Variants in ABCC10 observed in about 807,000 individuals in gnomAD.
ABCC10 encodes the protein ATP binding cassette subfamily C member 10.
ABCC10 carries 110 observed loss-of-function variants against 143.2 expected under a neutral mutation model. That is an observed-to-expected ratio of 0.77 (90% CI 0.66 to 0.90). The LOEUF is 0.90. Ranked by LOEUF, ABCC10 falls within the 40% of genes least tolerant of loss-of-function variation. ABCC10 has a pLI of 0.00. For missense variants in ABCC10, 1,700 were observed against 1,900.5 expected, an observed-to-expected ratio of 0.89 and a Z score of 1.96; for synonymous variants, 805 against 846.7, an observed-to-expected ratio of 0.95 and a Z score of 0.85.
In ABCC10 at chr6:43,449,916, T is replaced by TCACAGGC. The variant is rs1562208717; in HGVS notation, c.4317-13_4317-12insCACAGGC. 1.9e-6 allele frequency: 3 copies of TCACAGGC among 1,613,802 alleles called. No homozygotes were observed. The African/African-American group carries it at 4.0e-5, about 22-fold the overall frequency. On this transcript the variant is annotated splice_polypyrimidine_tract_variant and intron_variant, in intron 21 of 21. Transcript: ENST00000372530. ...TCCCTCATCCCCTACACTGACCATC[T>TCACAGGC]TCCCCCTCACAGGCTCAACACGATC...
Position 43,444,331 on chromosome 6 carries a change from CTT to C in ABCC10, c.2668_2669del (p.Phe890LeufsTer13). 1 of 1,607,974 alleles carries C rather than the reference CTT, an allele frequency of 6.2e-7. No homozygotes were observed. Among genetic ancestry groups the C allele is most frequent in the Non-Finnish European group, 8.5e-7 (1 of 1,177,476 alleles). On this transcript the variant is annotated frameshift_variant, in exon 12 of 22. Transcript: ENST00000372530. LOFTEE classifies it high-confidence loss of function. ...VGQGLALAIL[F>X]SLLLMQATRN... is the part of the protein sequence containing the mutation. ...GCCAGGGCTTGGCCTTAGCCATCCT[CTT>C]CTCTCTGCTTCTCATGCAAGGTGAG...
chr6:43,451,412 G>A, downstream of ABCC10: 4 of 1,161,568 alleles, frequency 3.4e-6, no homozygotes, highest in Non-Finnish European at 4.7e-6. This position sits in a 1 kb window ranked among gnomAD's most constrained non-coding sequence, Gnocchi z 4.4. Context: ...TTTTAAAAAT[G>A]AGAATAAAAA....
rs754864392 is a variant in ABCC10, at chr6:43,443,084, T to C, written c.2341T>C (p.Cys781Arg). 6.2e-6 allele frequency: 10 copies of C among 1,612,312 alleles called. No individual in the cohort carries two copies. In the African/African-American group the frequency reaches 1.3e-4, roughly 22 times the overall value. The stretch of plus-strand genomic sequence containing the variant: ...GCTGAGCTACACCACACGGCTGCTC[T>C]GCACCCACCGCACTGAGTACCTGGA... ...GMLSYTTRLL[C>R]THRTEYLERA... The change falls in exon 10 of 22, where the codon TGC (cysteine) becomes CGC (arginine). Residue 781 changes from cysteine (C) to arginine (R), a missense_variant. Coordinates refer to ENST00000372530, the MANE Select transcript of ABCC10 (RefSeq NM_001198934.2). The surrounding 1 kb of genome is among the most constrained non-coding windows in gnomAD (Gnocchi z 4.2).
At chr6:43,451,630 G>A (rs114159670), downstream of ABCC10, among the ~76,000 whole-genome samples, 5 of 152,080 alleles carry the variant, frequency 3.3e-5, no homozygotes, top group Admixed American at 6.5e-5. The surrounding 1 kb of genome is among the most constrained non-coding windows in gnomAD (Gnocchi z 4.4). Context: ...GCAAGCCAGC[G>A]TTCAGGAGAG....
rs541121303 is a variant in ABCC10 at position 43,450,071 on chromosome 6, G to A, written c.4459G>A (p.Ala1487Thr). Residue 1487 changes from alanine to threonine, a missense_variant, in exon 22 of 22, where the codon GCC becomes ACC. Transcript: ENST00000372530. This position sits in a 1 kb window ranked among gnomAD's most constrained non-coding sequence, Gnocchi z 4.5. ...LLQSSQQGVP[A>T]SLGGP ...GCAGAGCAGCCAGCAGGGAGTCCCT[G>A]CCTCACTCGGAGGTCCCTGAGCCCA... The A allele has an allele frequency of 3.7e-6, 6 of 1,605,330 alleles. No homozygotes were observed. In the South Asian group the frequency reaches 6.7e-5, roughly 18 times the overall value.
chr6:43,434,518 T>G (rs1781476681), intron 3 of ABCC10, 103 bp from the exon 4 acceptor site: 1 of 1,051,822 alleles, frequency 9.5e-7, no homozygotes, highest in Non-Finnish European at 1.4e-6. Context: ...ATCTGGGAGC[T>G]TAGAGTACTG....
chr6:43,450,972 C>T (rs35789285), downstream of ABCC10: 1,788 of 1,614,240 alleles, frequency 1.1e-3, 15 homozygotes, highest in African/African-American at 0.02. This position sits in a 1 kb window ranked among gnomAD's most constrained non-coding sequence, Gnocchi z 4.5. Context: ...ACCATAGCCA[C>T]TGGGGCAGAG....
intron 13 of ABCC10, 71 bp downstream of exon 13, chr6:43,445,009 G>A: frequency 1.3e-6 from 2 of 1,580,992 alleles, no homozygotes; most frequent in South Asian, 1.2e-5. Flanking sequence ...GAGGGTTGTG[G>A]CCGGTATTCC....
At chr6:43,448,070 G>A (rs181374784) in intron 18 of ABCC10, 133 bp downstream of exon 18, 1 of 1,405,970 alleles carries the variant, frequency 7.1e-7, no homozygotes, top group Non-Finnish European at 9.8e-7. Flanking sequence ...TGGAGGACAG[G>A]ATGAGCAGGC....
chr6:43,429,410 G>GTGTGTGT (rs555695734), intron 2 of ABCC10, among the ~76,000 whole-genome samples: 59 of 33,368 alleles, frequency 1.8e-3, no homozygotes, highest in East Asian at 4.2e-3. Context: ...GTGTGTGTGT[G>GTGTGTGT]GCGGGGGGGA....
intron 2 of ABCC10, among the ~76,000 whole-genome samples, chr6:43,429,410 G>GTGTGTGTGTGTGTGTGT (rs555695734): frequency 6.0e-5 from 2 of 33,394 alleles, no homozygotes; most frequent in African/African-American, 1.1e-4. Context: ...GTGTGTGTGT[G>GTGTGTGTGTGTGTGTGT]GCGGGGGGGA....
chr6:43,439,191 G>GC (rs1450693035), intron 8 of ABCC10, among the ~76,000 whole-genome samples: 2 of 151,942 alleles, frequency 1.3e-5, no homozygotes, highest in Admixed American at 1.3e-4. Context: ...ATTTCCCCTT[G>GC]CCCCCAGTCC....
chr6:43,431,873 C>T (rs1781174735), intron 2 of ABCC10: 1 of 1,286,720 alleles, frequency 7.8e-7, no homozygotes, highest in Non-Finnish European at 9.8e-7. Flanking sequence ...TAAAAAAAAA[C>T]ATGAATCAGA....
chr6:43,434,617 C>G lies in ABCC10; in HGVS notation c.1381-4C>G. 1.2e-6 allele frequency: 2 copies of G among 1,611,954 alleles called. No homozygotes were observed. The highest frequency in any genetic ancestry group is 2.2e-5 in the East Asian group (1 of 44,830). On this transcript the variant is annotated splice_polypyrimidine_tract_variant and splice_region_variant and intron_variant, in intron 3 of 21. Coordinates refer to ENST00000372530, the MANE Select transcript of ABCC10 (RefSeq NM_001198934.2). Reference sequence around the variant, plus strand: ...CACGCCTCTCCCTTGTCTCCTTTCCCTAGCTTGTGACAGAGCTGCTGAGTG... The same window carrying G: ...CACGCCTCTCCCTTGTCTCCTTTCCGTAGCTTGTGACAGAGCTGCTGAGTG...
At chr6:43,431,517 T>C (rs1781116886) in intron 2 of ABCC10, among the ~76,000 whole-genome samples, 2 of 152,116 alleles carry the variant, frequency 1.3e-5, no homozygotes, top group South Asian at 4.1e-4. Flanking sequence ...CCTGCCACCA[T>C]GCCTGGCTAA....
rs972914440 is a variant in ABCC10 at position 43,446,572 on chromosome 6, A to C, written c.3544+126A>C. 2.2e-5 allele frequency: 32 copies of C among 1,433,974 alleles called. No individual in the cohort carries two copies. In the African/African-American group the frequency reaches 4.2e-4, roughly 19 times the overall value. The allele number at this position is 1,433,974 out of a possible 1,614,324, so 88.8% of individuals were successfully genotyped here. On this transcript the variant is annotated intron_variant, in intron 16 of 21. Coordinates refer to ENST00000372530, the MANE Select transcript of ABCC10 (RefSeq NM_001198934.2). ...CCAGGGTTCCCTGTGAGGATGTATC[A>C]TGATTATCATCATCACCCCCGTTTG...
At position 43,443,741 on chromosome 6, in the gene ABCC10, C is replaced by A; in HGVS notation, c.2417-192C>A. On this transcript the variant is annotated intron_variant, in intron 10 of 21. Coordinates refer to ENST00000372530, the MANE Select transcript of ABCC10 (RefSeq NM_001198934.2). This position sits in a 1 kb window ranked among gnomAD's most constrained non-coding sequence, Gnocchi z 4.2. ...GATGGACTTGAGTCCTGCTCGAGGT[C>A]TAGGGGTATCCAGAGCAGGGTGGGT... is the stretch of plus-strand genomic sequence containing the variant. 1 of 596,016 alleles carries A rather than the reference C, an allele frequency of 1.7e-6. No individual in the cohort carries two copies. Among genetic ancestry groups the A allele is most frequent in the South Asian group, 2.0e-5 (1 of 50,776 alleles). 36.9% of individuals were successfully genotyped at this position (596,016 alleles called of 1,614,324 possible).
At position 43,432,205 on chromosome 6, in the gene ABCC10, G is replaced by A. The variant is rs1291950244; in HGVS notation, c.225G>A (p.Leu75=). 9 of 1,614,200 alleles carry A rather than the reference G, an allele frequency of 5.6e-6. No homozygotes were observed. The highest frequency in any genetic ancestry group is 7.6e-6 in the Non-Finnish European group (9 of 1,180,034). Residue 75 remains leucine (L), a synonymous_variant, in exon 3 of 22, where the codon CTG becomes CTA. Transcript: ENST00000372530. ...GCCTCCGACTTGCAGCTTCCTTCCT[G>A]CTTTCCGTCTTCCCGCTGCTAGACC... is the stretch of plus-strand genomic sequence containing the variant. ...GWRLRLAASF[L]LSVFPLLDLL...
At chr6:43,444,037 G>C (rs1215127856) in intron 11 of ABCC10, 27 bp downstream of exon 11, 31 of 1,610,530 alleles carry the variant, frequency 1.9e-5, no homozygotes, top group African/African-American at 2.7e-5. Context: ...GGAGAAAAGG[G>C]CTTGCTTTTC....
Sources: gnomAD v4.1 joint callset for allele counts (sites outside exome capture counted in the v4.1 genomes callset) on GRCh38, gnomAD v4.1.1 for gene constraint, Gnocchi (gnomAD v3.1) non-coding constraint, MANE v1.5 for transcripts, NCBI Gene and HGNC (gene_info 2026-07-23, HGNC 2026-07-21) for gene names.